RBFOX3: variants seen among roughly 807,000 people sequenced by gnomAD.
RBFOX3 encodes RNA binding fox-1 homolog 3.
A neutral mutation model predicts 48.7 loss-of-function variants in RBFOX3; 17 were observed. The ratio of observed to expected loss-of-function variants is 0.35; its 90% CI spans 0.24 to 0.52. The LOEUF (loss-of-function observed/expected upper bound fraction) is 0.52. Among genes scored for constraint, RBFOX3 ranks in the 20% least tolerant of loss-of-function variants. RBFOX3 has a pLI of 0.94. For missense variants in RBFOX3, 382 were observed against 497.5 expected, an observed-to-expected ratio of 0.77 and a Z score of 2.21; for synonymous variants, 212 against 209.5, an observed-to-expected ratio of 1.01 and a Z score of -0.10.
rs574390672 is a variant in RBFOX3, at chr17:79,178,469, G to A, written c.-34+57297C>T. Among the ~76,000 whole-genome samples, 10 of 152,294 alleles carry A rather than the reference G, an allele frequency of 6.6e-5. No homozygotes were observed. In the South Asian group the frequency reaches 1.7e-3, roughly 25 times the overall value. ...GTTCAGGAGAAAGCGACATGGACTC[G>A]AGCCCCAATTCTGGAATCTGGCTGC... On this transcript the variant is annotated intron_variant, in intron 4 of 14. Transcript: ENST00000693108.
chr17:79,610,142 G>A (rs898512508), intron 1 of RBFOX3, among the ~76,000 whole-genome samples: 12 of 152,072 alleles, frequency 7.9e-5, no homozygotes, highest in African/African-American at 2.9e-4. Context: ...CGGCCCCCGC[G>A]CACACCGCGG....
chr17:79,316,971 C>T (rs1481714425), intron 2 of RBFOX3, among the ~76,000 whole-genome samples: 1 of 152,180 alleles, frequency 6.6e-6, no homozygotes, highest in East Asian at 1.9e-4. Flanking sequence ...TATGCACACT[C>T]ACCCGCAAAT....
upstream of RBFOX3, among the ~76,000 whole-genome samples, chr17:79,614,483 C>CG (rs1162976213): frequency 4.1e-4 from 62 of 151,788 alleles, no homozygotes; most frequent in South Asian, 1.9e-3. Flanking sequence ...TTGCAGCCCC[C>CG]CTAAGGTGAG....
chr17:79,463,710 C>A (rs1361688071), intron 2 of RBFOX3, among the ~76,000 whole-genome samples: 2 of 151,164 alleles, frequency 1.3e-5, no homozygotes, highest in Non-Finnish European at 3.0e-5. Context: ...ACCACTGCCA[C>A]CTCCACCGCC....
intron 1 of RBFOX3, among the ~76,000 whole-genome samples, chr17:79,581,029 C>T (rs1262003977): frequency 6.6e-6 from 1 of 152,148 alleles, no homozygotes; most frequent in Non-Finnish European, 1.5e-5. Context: ...AGGCAGATCA[C>T]GAGGTCAGGA....
intron 4 of RBFOX3, among the ~76,000 whole-genome samples, chr17:79,163,235 C>T (rs1022740305): frequency 6.6e-6 from 1 of 152,208 alleles, no homozygotes; most frequent in African/African-American, 2.4e-5. Flanking sequence ...GCAGCACACT[C>T]GGCTGAACAC....
intron 4 of RBFOX3, among the ~76,000 whole-genome samples, chr17:79,116,907 G>T (rs1373497739): frequency 6.6e-6 from 1 of 152,224 alleles, no homozygotes; most frequent in Non-Finnish European, 1.5e-5. Context: ...GCTTTTTGGT[G>T]GGCAATGCGG....
chr17:79,151,284 G>T (rs1257712588), intron 4 of RBFOX3, among the ~76,000 whole-genome samples: 3 of 150,224 alleles, frequency 2.0e-5, no homozygotes, highest in African/African-American at 7.4e-5. Context: ...CCAGTGCCGG[G>T]GCTGAAGGGA....
intron 4 of RBFOX3, among the ~76,000 whole-genome samples, chr17:79,145,011 C>T (rs1468699622): frequency 1.3e-5 from 2 of 152,192 alleles, no homozygotes; most frequent in Non-Finnish European, 2.9e-5. Flanking sequence ...CACAATGATG[C>T]CTCGAGGCTC....
At chr17:79,175,799 C>T (rs777455305) in intron 4 of RBFOX3, among the ~76,000 whole-genome samples, 26 of 152,242 alleles carry the variant, frequency 1.7e-4, no homozygotes, top group Non-Finnish European at 2.5e-4. Context: ...GTCCGAGCTG[C>T]GGGGCGCAGT....
At chr17:79,247,811 C>G (rs1053578854) in intron 3 of RBFOX3, among the ~76,000 whole-genome samples, 1 of 152,230 alleles carries the variant, frequency 6.6e-6, no homozygotes, top group African/African-American at 2.4e-5. Flanking sequence ...CTGAGTCAAG[C>G]TGGGATGGTT....
chr17:79,142,806 G>T (rs1761101321), intron 4 of RBFOX3, among the ~76,000 whole-genome samples: 1 of 152,180 alleles, frequency 6.6e-6, no homozygotes, highest in Admixed American at 6.5e-5. Flanking sequence ...AGCCCCCAAG[G>T]TCCTCTGGTT....
At chr17:79,276,393 T>C (rs946776425) in intron 3 of RBFOX3, among the ~76,000 whole-genome samples, 2 of 152,016 alleles carry the variant, frequency 1.3e-5, no homozygotes, top group African/African-American at 4.8e-5. Context: ...TTTAAAAAAA[T>C]AATGTTTCTT....
chr17:79,115,869 G>T, intron 4 of RBFOX3, 121 bp from the exon 5 acceptor site: 1 of 540,146 alleles, frequency 1.9e-6, no homozygotes, highest in South Asian at 2.4e-5. Context: ...CCTTTCCCCG[G>T]CCCCTCCAAG....
At chr17:79,520,747 T>G (rs1258812689) in intron 1 of RBFOX3, among the ~76,000 whole-genome samples, 1 of 152,114 alleles carries the variant, frequency 6.6e-6, no homozygotes, top group Non-Finnish European at 1.5e-5. Context: ...TGGACTCCCC[T>G]CCAGGGCGGC....
At chr17:79,659,708 ACATATGCT>A in the RBFOX3 span, among the ~76,000 whole-genome samples, 1 of 152,314 alleles carries the variant, frequency 6.6e-6, no homozygotes, top group Non-Finnish European at 1.5e-5. Context: ...AGAAAATAAT[ACATATGCT>A]CAAAAGTACA....
chr17:79,552,767 CTAGA>C (rs1204903298), intron 1 of RBFOX3, among the ~76,000 whole-genome samples: 2 of 152,026 alleles, frequency 1.3e-5, no homozygotes, highest in African/African-American at 2.4e-5. Context: ...AAGTTTATTC[CTAGA>C]TATTTTATTT....
intron 3 of RBFOX3, among the ~76,000 whole-genome samples, chr17:79,248,659 C>T (rs1257865276): frequency 2.6e-5 from 4 of 152,356 alleles, no homozygotes; most frequent in East Asian, 1.9e-4. Context: ...CAGTGACGGC[C>T]GGAGTGCTTT....
intron 2 of RBFOX3, among the ~76,000 whole-genome samples, chr17:79,461,971 T>C (rs1555749161): frequency 6.6e-6 from 1 of 152,208 alleles, no homozygotes; most frequent in African/African-American, 2.4e-5. Flanking sequence ...CACCTTGATT[T>C]CTCACTTCTG....
Sources: gnomAD v4.1 joint callset for allele counts (sites outside exome capture counted in the v4.1 genomes callset) on GRCh38, gnomAD v4.1.1 for gene constraint, MANE v1.5 for transcripts, NCBI Gene and HGNC (gene_info 2026-07-23, HGNC 2026-07-21) for gene names.